Variants in ZNF425 observed in about 807,000 individuals in gnomAD.
ZNF425 encodes zinc finger protein 425.
In ZNF425, 21 loss-of-function variants were observed where a neutral mutation model predicts 17.0. That is an observed-to-expected ratio of 1.23 (90% CI 0.88 to 1.78). The LOEUF is 1.78. ZNF425 is among the 40% of genes most tolerant of loss of function. ZNF425 has a pLI of 0.00. For missense variants in ZNF425, 868 were observed against 967.3 expected (o/e 0.90, Z 1.36); for synonymous variants, 433 against 384.1 (o/e 1.13, Z -1.49).
chr7:149,112,647 T>G (rs1347660824), intron 2 of ZNF425, among the ~76,000 whole-genome samples: 1 of 152,102 alleles, frequency 6.6e-6, no homozygotes, highest in African/African-American at 2.4e-5. Flanking sequence ...AAAATTATTT[T>G]TAAAAATTAT....
chr7:149,122,594 C>G (rs1197021789), intron 1 of ZNF425, among the ~76,000 whole-genome samples: 3 of 152,182 alleles, frequency 2.0e-5, no homozygotes, highest in Non-Finnish European at 4.4e-5. Flanking sequence ...TGGTACACCA[C>G]CAGGGACTTC....
At chr7:149,109,398 T>C (rs1437647951) in intron 3 of ZNF425, among the ~76,000 whole-genome samples, 1 of 152,154 alleles carries the variant, frequency 6.6e-6, no homozygotes, top group Admixed American at 6.6e-5. Context: ...GTTTTCTAAA[T>C]GTAATAGATT....
intron 1 of ZNF425, among the ~76,000 whole-genome samples, chr7:149,121,100 TTTTTTTTTTTTG>T (rs1826344142): frequency 1.3e-4 from 1 of 7,876 alleles, no homozygotes. Flanking sequence ...TTTTTTTTTT[TTTTTTTTTTTTG>T]AGACGGAGTC....
rs1826002392 is a variant in ZNF425, at chr7:149,102,969, C to T, written c.*643G>A. On this transcript the variant is annotated 3_prime_UTR_variant, in exon 4 of 4. Coordinates refer to ENST00000378061, the MANE Select transcript of ZNF425 (RefSeq NM_001001661.3). ...AGCTGACTGAGGAATATGTTCCTGG[C>T]TGTAACATTTCTTCACTCAGGCTGT... 1 of 152,156 alleles carries T rather than the reference C, an allele frequency of 6.6e-6. No individual in the cohort carries two copies. Among genetic ancestry groups the T allele is most frequent in the Non-Finnish European group, 1.5e-5 (1 of 68,054 alleles). The allele number at this position is 152,156 out of a possible 1,614,324, so 9.4% of individuals were successfully genotyped here. A position where few individuals can be genotyped will look rare whatever the true frequency, so the allele number is the denominator to read the frequency against.
chr7:149,108,692 G>A (rs939171583), intron 3 of ZNF425, among the ~76,000 whole-genome samples: 11 of 152,152 alleles, frequency 7.2e-5, no homozygotes, highest in Non-Finnish European at 1.5e-4. Flanking sequence ...AGGAGATGGA[G>A]ACCATCCTGG....
rs758184708 is a variant in ZNF425 at position 149,103,650 on chromosome 7, TG to T, written c.2220del (p.His740GlnfsTer45). The T allele has an allele frequency of 2.5e-6, 4 of 1,612,826 alleles. No individual in the cohort carries two copies. Among genetic ancestry groups the T allele is most frequent in the South Asian group, 1.1e-5 (1 of 90,908 alleles). ...GGCTTCTCTTTGGCATGCACTGCAA[TG>T]TGGGTCTTGAGCGCCCCCACGTACG... ...SFTYVGALKT[H>X]IAVHAKEKPS... On this transcript the variant is annotated frameshift_variant, in exon 4 of 4. Coordinates refer to ENST00000378061, the MANE Select transcript of ZNF425 (RefSeq NM_001001661.3). LOFTEE classifies it high-confidence loss of function.
chr7:149,105,644 T>G (rs1245436589), intron 3 of ZNF425, 78 bp from the exon 4 acceptor site: 1 of 922,924 alleles, frequency 1.1e-6, no homozygotes, highest in East Asian at 3.4e-5. Context: ...CTTTTAAAAA[T>G]TTATTATTAT....
intron 1 of ZNF425, among the ~76,000 whole-genome samples, chr7:149,121,924 GT>G (rs61146316): frequency 0.82 from 124,487 of 151,260 alleles, 51,528 homozygotes; most frequent in East Asian, 1. Flanking sequence ...CGTTTTCTTT[GT>G]TTTTTTTTGA....
At chr7:149,107,441 C>G (rs1826100183) in intron 3 of ZNF425, among the ~76,000 whole-genome samples, 1 of 151,622 alleles carries the variant, frequency 6.6e-6, no homozygotes, top group Admixed American at 6.6e-5. Context: ...GGGTTCATGC[C>G]ATTCTCCTGC....
Position 149,107,345 on chromosome 7 carries a change from AT to A in ZNF425, c.305-1780del, listed in dbSNP as rs1056889019. On this transcript the variant is annotated intron_variant, in intron 3 of 3. Transcript: ENST00000378061. ...TATTTATTTATTTATTTATTTATTT[AT>A]TTTTTTTCTGAGACAGAGTCTAGCT... Among the ~76,000 whole-genome samples, 141 of 126,178 alleles carry A rather than the reference AT, an allele frequency of 1.1e-3. 2 individuals carry two copies. The highest frequency in any genetic ancestry group is 0.01 in the South Asian group (45 of 4,398). The allele number at this position is 126,178 out of a possible 152,430, so 82.8% of individuals were successfully genotyped here. A position where few individuals can be genotyped will look rare whatever the true frequency, so the allele number is the denominator to read the frequency against.
rs919263588 is a variant in ZNF425, at chr7:149,110,827, C to T, written c.304+1310G>A. On this transcript the variant is annotated intron_variant, in intron 3 of 3. Coordinates refer to ENST00000378061, the MANE Select transcript of ZNF425 (RefSeq NM_001001661.3). ...TTTTTTTTTTTGAGACGGAGTCCCA[C>T]TCTGTCGCCCAGGCTGGAGTGCAGT... Among the ~76,000 whole-genome samples, 39 of 143,604 alleles carry T rather than the reference C, an allele frequency of 2.7e-4. No homozygotes were observed. The Admixed American group carries it at 2.8e-3, about 10-fold the overall frequency. 94.2% of individuals were successfully genotyped at this position (143,604 alleles called of 152,430 possible).
chr7:149,105,606 C>G (rs1400942933), intron 3 of ZNF425, 40 bp from the exon 4 acceptor site: 1 of 1,447,722 alleles, frequency 6.9e-7, no homozygotes. Flanking sequence ...AGTGATATGT[C>G]TACCCTATAA....
At chr7:149,107,941 C>T (rs932746841) in intron 3 of ZNF425, among the ~76,000 whole-genome samples, 5 of 151,846 alleles carry the variant, frequency 3.3e-5, no homozygotes, top group African/African-American at 1.2e-4. Context: ...TCACATTTCA[C>T]TGCAGCCTTG....
intron 2 of ZNF425, chr7:149,113,394 G>C (rs1826206063): frequency 7.8e-6 from 1 of 129,024 alleles, no homozygotes; most frequent in Admixed American, 8.9e-5. Flanking sequence ...TGACATGAAT[G>C]ACAATAGAAT....
At chr7:149,106,024 T>C (rs2129517778) in intron 3 of ZNF425, among the ~76,000 whole-genome samples, 1 of 144,004 alleles carries the variant, frequency 6.9e-6, no homozygotes, top group South Asian at 2.3e-4. Context: ...GGCACAATCC[T>C]GGCTCACTGC....
chr7:149,124,613 C>G (rs1826423920), intron 1 of ZNF425, among the ~76,000 whole-genome samples: 1 of 152,162 alleles, frequency 6.6e-6, no homozygotes, highest in African/African-American at 2.4e-5. Flanking sequence ...ACGATCTCGG[C>G]TCACTTCAAC....
At position 149,105,934 on chromosome 7, in the gene ZNF425, C is replaced by CT. The variant is rs201501374; in HGVS notation, c.305-369dup. 6.4e-5 allele frequency among the ~76,000 whole-genome samples: 9 copies of CT among 141,236 alleles called. No individual in the cohort carries two copies. The East Asian group carries it at 1.8e-3, about 28-fold the overall frequency. The allele number at this position is 141,236 out of a possible 152,430, so 92.7% of individuals were successfully genotyped here. A position where few individuals can be genotyped will look rare whatever the true frequency, so the allele number is the denominator to read the frequency against. On this transcript the variant is annotated intron_variant, in intron 3 of 3. Transcript: ENST00000378061. ...ACAGGCGTGAGCCACCGCGCTTGGC[C>CT]TTTTTTAAAAAAAATTTTTTTCCTT...
Position 149,104,227 on chromosome 7 carries a change from G to A in ZNF425, c.1644C>T (p.His548=). The A allele has an allele frequency of 6.2e-7, 1 of 1,613,500 alleles. No homozygotes were observed. The highest frequency in any genetic ancestry group is 8.5e-7 in the Non-Finnish European group (1 of 1,179,678). ...RAHLTEHTRL[H]SGEEPFQCPE... is the part of the protein sequence containing the mutation. ...GACACTGGAAGGGCTCCTCGCCACTGTGAAGCCTCGTGTGCTCTGTGAGAT... is the reference window on the plus strand; with the variant it reads ...GACACTGGAAGGGCTCCTCGCCACTATGAAGCCTCGTGTGCTCTGTGAGAT... The change falls in exon 4 of 4, where the codon CAC becomes CAT. Residue 548 remains histidine (H), a synonymous_variant. Transcript: ENST00000378061. This position sits in a 1 kb window ranked among gnomAD's most constrained non-coding sequence, Gnocchi z 4.3.
At chr7:149,106,301 TG>T (rs2129517791) in intron 3 of ZNF425, among the ~76,000 whole-genome samples, 1 of 148,982 alleles carries the variant, frequency 6.7e-6, no homozygotes, top group African/African-American at 2.5e-5. Context: ...TAGAGTGCGG[TG>T]GCGTGATCTC....
Sources: allele counts gnomAD v4.1 joint callset (sites outside exome capture counted in the v4.1 genomes callset), GRCh38; gene constraint gnomAD v4.1.1; non-coding constraint Gnocchi (gnomAD v3.1); transcripts MANE v1.5; gene names NCBI Gene and HGNC (gene_info 2026-07-23, HGNC 2026-07-21).